The following ITGA11 variants were observed in gnomAD, a reference collection of about 807,000 sequenced individuals.
The protein encoded by ITGA11 is integrin alpha-11.
In ITGA11, 97 loss-of-function variants were observed where a neutral mutation model predicts 141.9. The observed-to-expected ratio is 0.68, with a 90% CI of 0.58 to 0.81. The LOEUF is 0.81. Ranked by LOEUF, ITGA11 falls within the 30% of genes least tolerant of loss-of-function variation. The pLI is 0.00. For missense variants in ITGA11, 1,387 were observed against 1,559.2 expected, an observed-to-expected ratio of 0.89 and a Z score of 1.86; for synonymous variants, 658 against 624.6, an observed-to-expected ratio of 1.05 and a Z score of -0.80.
chr15:68,387,455 C>G (rs1374280033), intron 2 of ITGA11, among the ~76,000 whole-genome samples: 1 of 152,182 alleles, frequency 6.6e-6, no homozygotes, highest in Non-Finnish European at 1.5e-5. Flanking sequence ...AGGCCTCACT[C>G]AGACCTACTG....
chr15:68,430,733 C>A (rs917251723), intron 1 of ITGA11, among the ~76,000 whole-genome samples: 13 of 152,216 alleles, frequency 8.5e-5, no homozygotes, highest in African/African-American at 3.1e-4. Flanking sequence ...TCTTCCCCTG[C>A]TCTCCCTTCC....
At chr15:68,348,530 A>G (rs566786879) in intron 10 of ITGA11, among the ~76,000 whole-genome samples, 1 of 152,362 alleles carries the variant, frequency 6.6e-6, no homozygotes, top group South Asian at 2.1e-4. Flanking sequence ...TCTAAAGAGC[A>G]AATGAACTGT....
intron 1 of ITGA11, among the ~76,000 whole-genome samples, chr15:68,412,408 G>A (rs1371005875): frequency 1.3e-5 from 2 of 151,850 alleles, no homozygotes; most frequent in Admixed American, 6.5e-5. Flanking sequence ...GCCATACACC[G>A]GGCCTGATGG....
intron 1 of ITGA11, among the ~76,000 whole-genome samples, chr15:68,425,860 G>A (rs543472757): frequency 3.3e-5 from 5 of 152,228 alleles, no homozygotes; most frequent in African/African-American, 1.2e-4. Context: ...CCCCAGCTGC[G>A]CAGGCAGGAA....
intron 1 of ITGA11, among the ~76,000 whole-genome samples, chr15:68,407,246 A>AGTCC (rs2140419136): frequency 6.6e-6 from 1 of 152,320 alleles, no homozygotes; most frequent in South Asian, 2.1e-4. Context: ...AGGTGGGACT[A>AGTCC]GTCCTAGACA....
chr15:68,411,970 C>T (rs1356721799), intron 1 of ITGA11, among the ~76,000 whole-genome samples: 2 of 152,034 alleles, frequency 1.3e-5, no homozygotes, highest in African/African-American at 4.8e-5. Context: ...GTCAGCACCC[C>T]CAAACTCACA....
intron 1 of ITGA11, among the ~76,000 whole-genome samples, chr15:68,427,695 C>A (rs1193491616): frequency 6.6e-6 from 1 of 152,200 alleles, no homozygotes. Flanking sequence ...TCCTCTCCTT[C>A]TCCTGTCAGT....
At position 68,350,645 on chromosome 15, in the gene ITGA11, G is replaced by A. The variant is rs1293961469; in HGVS notation, c.1032C>T (p.Ala344=). The change falls in exon 9 of 30, where the codon GCC becomes GCT. Residue 344 remains alanine (A), a synonymous_variant. Transcript: ENST00000315757. ...DEAALKDIVD[A]LGDRIFSLEG... ...CCAGGCTGAAGATTCTGTCCCCCAG[G>A]GCATCGACAATGTCCTTCAAGGCAG... 1 of 1,613,842 alleles carries A rather than the reference G, an allele frequency of 6.2e-7. No homozygotes were observed. The highest frequency in any genetic ancestry group is 8.5e-7 in the Non-Finnish European group (1 of 1,179,824).
chr15:68,401,948 G>A (rs576048290), intron 2 of ITGA11, among the ~76,000 whole-genome samples: 21 of 151,950 alleles, frequency 1.4e-4, no homozygotes, highest in Admixed American at 1.1e-3. Flanking sequence ...AGGAGAGGGT[G>A]TCACAGAAGG....
chr15:68,358,336 C>T, intron 6 of ITGA11, 122 bp downstream of exon 6: 1 of 1,105,348 alleles, frequency 9.0e-7, no homozygotes, highest in Non-Finnish European at 1.3e-6. Context: ...GGCCCTACTA[C>T]CTCTGCCCTC....
At chr15:68,353,860 C>T (rs1281529303) in intron 7 of ITGA11, among the ~76,000 whole-genome samples, 1 of 152,108 alleles carries the variant, frequency 6.6e-6, no homozygotes, top group African/African-American at 2.4e-5. Context: ...ACTAGGCCCT[C>T]TGAAATCTGG....
chr15:68,339,432 G>C, intron 11 of ITGA11, 68 bp downstream of exon 11: 4 of 1,524,612 alleles, frequency 2.6e-6, no homozygotes, highest in Non-Finnish European at 3.6e-6. Context: ...GTGGGCTGGG[G>C]GTTGTGCAGC....
chr15:68,339,339 A>G, intron 11 of ITGA11, among the ~76,000 whole-genome samples, 161 bp downstream of exon 11: 1 of 152,148 alleles, frequency 6.6e-6, no homozygotes, highest in Non-Finnish European at 1.5e-5. Flanking sequence ...ACCAGGGTGG[A>G]GAGGAAATGC....
chr15:68,396,986 T>TTATATATA (rs1896276520), intron 2 of ITGA11, among the ~76,000 whole-genome samples: 1 of 34,138 alleles, frequency 2.9e-5, no homozygotes, highest in Non-Finnish European at 4.4e-5. Context: ...TATATATTAT[T>TTATATATA]TATTATATAA....
intron 7 of ITGA11, among the ~76,000 whole-genome samples, chr15:68,351,820 C>T (rs1031310750): frequency 2.0e-5 from 3 of 152,006 alleles, no homozygotes; most frequent in African/African-American, 4.8e-5. Flanking sequence ...CGGTGGCTCA[C>T]GCCTGTAGTC....
At chr15:68,378,131 G>A (rs11858758) in intron 2 of ITGA11, among the ~76,000 whole-genome samples, 15,411 of 152,212 alleles carry the variant, frequency 0.1, 1,352 homozygotes, top group African/African-American at 0.24. Context: ...GAGAACCAGC[G>A]GTGGGAAGAA....
In ITGA11 at chr15:68,323,444, C is replaced by T. The variant is rs200181560; in HGVS notation, c.2322+1687G>A. 1.7e-4 allele frequency among the ~76,000 whole-genome samples: 26 copies of T among 152,326 alleles called. No homozygotes were observed. The East Asian group carries it at 4.2e-3, about 25-fold the overall frequency. ...TTTAATGTAATAAGCAACTGTTACA[C>T]TCAATAATATGGGATGGCTCACTTC... is the stretch of plus-strand genomic sequence containing the variant. On this transcript the variant is annotated intron_variant, in intron 18 of 29. Coordinates refer to ENST00000315757, the MANE Select transcript of ITGA11 (RefSeq NM_001004439.2).
chr15:68,317,498 A>C, intron 20 of ITGA11, 135 bp from the exon 21 acceptor site: 1 of 663,534 alleles, frequency 1.5e-6, no homozygotes, highest in Non-Finnish European at 2.7e-6. Context: ...GAAAGCCTGG[A>C]CCACAGCCCT....
chr15:68,336,889 C>A (rs368263594), intron 11 of ITGA11, among the ~76,000 whole-genome samples: 1 of 152,188 alleles, frequency 6.6e-6, no homozygotes, highest in Non-Finnish European at 1.5e-5. Flanking sequence ...TGAGCTGACT[C>A]AGTGCCTGGG....
Sources: gnomAD v4.1 joint callset for allele counts (sites outside exome capture counted in the v4.1 genomes callset) on GRCh38, gnomAD v4.1.1 for gene constraint, MANE v1.5 for transcripts, NCBI Gene and HGNC (gene_info 2026-07-23, HGNC 2026-07-21) for gene names.